The following CDK8 variants were observed in gnomAD, a reference collection of about 807,000 sequenced individuals.
The protein encoded by CDK8 is cyclin-dependent kinase 8.
Under a neutral mutation model 71.5 loss-of-function variants are expected in CDK8, and 29 were observed. The ratio of observed to expected loss-of-function variants is 0.41; its 90% confidence interval spans 0.30 to 0.55. CDK8 has a LOEUF of 0.55. CDK8 is among the 20% of genes least tolerant of loss of function. CDK8 has a pLI of 0.37. For missense variants in CDK8, 288 were observed against 572.6 expected (o/e 0.50, Z 5.07); for synonymous variants, 161 against 192.1 (o/e 0.84, Z 1.34).
At chr13:26,383,908 C>T (rs1593303465) in intron 5 of CDK8, among the ~76,000 whole-genome samples, 1 of 152,196 alleles carries the variant, frequency 6.6e-6, no homozygotes, top group Admixed American at 6.5e-5. Context: ...CTAGTGCCTT[C>T]CAAAATGCCT....
At chr13:26,330,258 T>A (rs1875248359) in intron 1 of CDK8, among the ~76,000 whole-genome samples, 1 of 152,128 alleles carries the variant, frequency 6.6e-6, no homozygotes, top group Admixed American at 6.5e-5. Context: ...TAGGCTGGAG[T>A]GCAGTGGCAC....
chr13:26,278,993 C>T (rs1872648775), intron 1 of CDK8, among the ~76,000 whole-genome samples: 1 of 151,916 alleles, frequency 6.6e-6, no homozygotes, highest in Non-Finnish European at 1.5e-5. Flanking sequence ...ATGCAGATAC[C>T]ACGTCATTTT....
At chr13:26,361,898 G>A (rs188784209) in intron 4 of CDK8, among the ~76,000 whole-genome samples, 326 of 147,756 alleles carry the variant, frequency 2.2e-3, no homozygotes, top group African/African-American at 7.7e-3. Context: ...CCAAAGTGCC[G>A]GGATTACAGG....
chr13:26,397,319 A>C, intron 9 of CDK8, 94 bp downstream of exon 9: 1 of 720,956 alleles, frequency 1.4e-6, no homozygotes, highest in Non-Finnish European at 2.4e-6. Context: ...GTGGTTACTT[A>C]GCTAGCACTC....
At chr13:26,331,842 G>T (rs529836114) in intron 1 of CDK8, among the ~76,000 whole-genome samples, 2 of 152,018 alleles carry the variant, frequency 1.3e-5, no homozygotes, top group Non-Finnish European at 2.9e-5. Flanking sequence ...TTCTGACTCC[G>T]TGAAGAATGG....
chr13:26,286,971 G>A (rs1235902142), intron 1 of CDK8, among the ~76,000 whole-genome samples: 1 of 152,156 alleles, frequency 6.6e-6, no homozygotes, highest in Non-Finnish European at 1.5e-5. Flanking sequence ...ACTCCTGGAA[G>A]AATGGCCGTA....
At chr13:26,329,037 G>T (rs1409577313) in intron 1 of CDK8, among the ~76,000 whole-genome samples, 1 of 151,996 alleles carries the variant, frequency 6.6e-6, no homozygotes, top group Non-Finnish European at 1.5e-5. Context: ...TGTTTTCTTG[G>T]ATCCTCTTAA....
chr13:26,350,024 A>T (rs562279647), intron 3 of CDK8, among the ~76,000 whole-genome samples: 28 of 152,314 alleles, frequency 1.8e-4, no homozygotes, highest in African/African-American at 6.7e-4. Context: ...TCAGTACAGT[A>T]ACATGTACAG....
Position 26,254,648 on chromosome 13 carries a change from T to C in CDK8, c.7T>C (p.Tyr3His). 6.3e-7 allele frequency: 1 copy of C among 1,598,316 alleles called. No individual in the cohort carries two copies. Among genetic ancestry groups the C allele is most frequent in the Non-Finnish European group, 8.5e-7 (1 of 1,171,120 alleles). Reference protein sequence around the residue: MDYDFKVKLSSER... With the variant: MDHDFKVKLSSER... ...GGCCTCAGAGGCTGTGACAATGGAC[T>C]ATGACTTTAAAGTGAAGCTGAGCAG... Residue 3 changes from tyrosine to histidine, a missense_variant, in exon 1 of 13, where the codon TAT becomes CAT. Transcript: ENST00000381527. The surrounding 1 kb of genome is among the most constrained non-coding windows in gnomAD (Gnocchi z 6.7).
Position 26,379,807 on chromosome 13 carries a change from T to A in CDK8, c.457-3007T>A, listed in dbSNP as rs547685090. Among the ~76,000 whole-genome samples the A allele has an allele frequency of 2.4e-4, 36 of 152,204 alleles. No homozygotes were observed. The South Asian group carries it at 7.5e-3, about 32-fold the overall frequency. On this transcript the variant is annotated intron_variant, in intron 4 of 12. Transcript: ENST00000381527. The stretch of plus-strand genomic sequence containing the variant: ...GTACCTCTGGAGAAGGTAGTGGGAT[T>A]TGGGGTAGGGTAAAGGAGGGATGGG...
intron 1 of CDK8, among the ~76,000 whole-genome samples, chr13:26,259,375 T>A (rs1420744330): frequency 6.6e-6 from 1 of 152,132 alleles, no homozygotes; most frequent in African/African-American, 2.4e-5. Flanking sequence ...CCTTAAAAAA[T>A]AGAGTATAAC....
At chr13:26,373,579 A>C (rs935863110) in intron 4 of CDK8, among the ~76,000 whole-genome samples, 3 of 152,208 alleles carry the variant, frequency 2.0e-5, no homozygotes, top group Non-Finnish European at 4.4e-5. Context: ...CATGTCTAAC[A>C]ACTAGAGAAT....
intron 2 of CDK8, among the ~76,000 whole-genome samples, chr13:26,341,247 C>T (rs959757392): frequency 1.3e-5 from 2 of 152,204 alleles, no homozygotes; most frequent in Admixed American, 1.3e-4. Context: ...CTGCCTCAGC[C>T]TCCTGAGTAG....
chr13:26,375,780 A>T lies in CDK8; in HGVS notation c.457-7034A>T, dbSNP rs186412225. On this transcript the variant is annotated intron_variant, in intron 4 of 12. Transcript: ENST00000381527. ...AAACTGATAAAATATGATTTATAGG[A>T]GATACTATTACATTTAAAAAGTTTT... 2.1e-4 allele frequency among the ~76,000 whole-genome samples: 32 copies of T among 152,364 alleles called. No individual in the cohort carries two copies. The East Asian group carries it at 5.0e-3, about 24-fold the overall frequency.
rs923515978 is a variant in CDK8 at position 26,310,285 on chromosome 13, T to C, written c.129-27282T>C. 1.8e-4 allele frequency among the ~76,000 whole-genome samples: 27 copies of C among 152,324 alleles called. 1 individual carries two copies. Among genetic ancestry groups the C allele is most frequent in the South Asian group, 6.2e-4 (3 of 4,832 alleles). ...ACCTCATGTGAATGAAATTGTACAGTGTTGGTGAGCCGTTAAGTTTTTAAC... is the reference window on the plus strand; with the variant it reads ...ACCTCATGTGAATGAAATTGTACAGCGTTGGTGAGCCGTTAAGTTTTTAAC... On this transcript the variant is annotated intron_variant, in intron 1 of 12. Transcript: ENST00000381527.
chr13:26,368,941 GT>G (rs145937826), intron 4 of CDK8, among the ~76,000 whole-genome samples: 1 of 149,630 alleles, frequency 6.7e-6, no homozygotes, highest in Admixed American at 6.7e-5. Flanking sequence ...CTGTCATGAT[GT>G]TTTTTTTTCA....
At chr13:26,372,478 T>C (rs573694826) in intron 4 of CDK8, among the ~76,000 whole-genome samples, 1 of 152,338 alleles carries the variant, frequency 6.6e-6, no homozygotes, top group East Asian at 1.9e-4. Context: ...ACAAATGATG[T>C]AGTTAATTTA....
chr13:26,365,298 A>G (rs9553798), intron 4 of CDK8, among the ~76,000 whole-genome samples: 143,557 of 152,184 alleles, frequency 0.94, 67,738 homozygotes, highest in East Asian at 1. Flanking sequence ...GACCAGCTGG[A>G]CAGTTTTCCT....
At chr13:26,322,509 G>T (rs1874821501) in intron 1 of CDK8, among the ~76,000 whole-genome samples, 1 of 152,052 alleles carries the variant, frequency 6.6e-6, no homozygotes, top group Non-Finnish European at 1.5e-5. Context: ...ATGTGTAATT[G>T]GGGGTGGGGT....
Sources: allele counts gnomAD v4.1 joint callset (sites outside exome capture counted in the v4.1 genomes callset), GRCh38; gene constraint gnomAD v4.1.1; non-coding constraint Gnocchi (gnomAD v3.1); transcripts MANE v1.5; gene names NCBI Gene and HGNC (gene_info 2026-07-23, HGNC 2026-07-21).